The following CACNA1H variants were observed in gnomAD, a reference collection of about 807,000 sequenced individuals.
CACNA1H encodes voltage-dependent T-type calcium channel subunit alpha-1H.
CACNA1H carries 149 observed loss-of-function variants against 192.5 expected under a neutral mutation model. The observed-to-expected ratio is 0.77, with a 90% CI of 0.68 to 0.89. CACNA1H has a LOEUF of 0.89. Ranked by LOEUF, CACNA1H falls within the 40% of genes least tolerant of loss-of-function variation. The pLI is 0.00. For missense variants in CACNA1H, 4,257 were observed against 3,423.5 expected, an observed-to-expected ratio of 1.24 and a Z score of -6.08; for synonymous variants, 2,202 against 1,475.2, an observed-to-expected ratio of 1.49 and a Z score of -11.29.
At chr16:1,164,760 G>A (rs1016761749) in intron 2 of CACNA1H, among the ~76,000 whole-genome samples, 2 of 152,216 alleles carry the variant, frequency 1.3e-5, no homozygotes, top group African/African-American at 4.8e-5. Flanking sequence ...TGTCGGTGGA[G>A]CTGGGGTCTG....
intron 26 of CACNA1H, among the ~76,000 whole-genome samples, chr16:1,212,852 C>T (rs1896036569): frequency 6.6e-6 from 1 of 152,232 alleles, no homozygotes; most frequent in African/African-American, 2.4e-5. Context: ...TGGCCGCGGG[C>T]CCTCTCCGGC....
At chr16:1,185,297 G>C (rs573921369) in intron 2 of CACNA1H, among the ~76,000 whole-genome samples, 1 of 152,210 alleles carries the variant, frequency 6.6e-6, no homozygotes, top group African/African-American at 2.4e-5. Context: ...ATCGGGGTCA[G>C]TGCCGCTGTG....
In CACNA1H at chr16:1,195,918, G is replaced by T; in HGVS notation, c.546-8G>T. 1 of 1,608,474 alleles carries T rather than the reference G, an allele frequency of 6.2e-7. No individual in the cohort carries two copies. Among genetic ancestry groups the T allele is most frequent in the Non-Finnish European group, 8.5e-7 (1 of 1,176,612 alleles). On this transcript the variant is annotated splice_polypyrimidine_tract_variant and splice_region_variant and intron_variant, in intron 4 of 34. Transcript: ENST00000348261. ...TGTTGAGCTGCTCCCCCTCGGCCCCGCCCCCAGCATGATGGAGTACTCGTT... is the reference window on the plus strand; with the variant it reads ...TGTTGAGCTGCTCCCCCTCGGCCCCTCCCCCAGCATGATGGAGTACTCGTT...
In CACNA1H at chr16:1,218,978, G is replaced by C; in HGVS notation, c.5896G>C (p.Ala1966Pro). 6.5e-7 allele frequency: 1 copy of C among 1,550,178 alleles called. No individual in the cohort carries two copies. Among genetic ancestry groups the C allele is most frequent in the African/African-American group, 1.4e-5 (1 of 73,132 alleles). The change falls in exon 34 of 35, where the codon GCC becomes CCC. Residue 1966 changes from alanine to proline, a missense_variant. Ala to Pro is a conservative substitution (Grantham distance 27, BLOSUM62 -1). Coordinates refer to ENST00000348261, the MANE Select transcript of CACNA1H (RefSeq NM_021098.3). ...YGAGTPLGSV[A>P]SVHSPPAESC... is the part of the protein sequence containing the mutation. ...ATTCTTCCCTGCCCCAGGCTCCGTT[G>C]CCTCTGTGCACTCTCCGCCCGCAGA...
chr16:1,204,096 C>T lies in CACNA1H; in HGVS notation c.2089C>T (p.Leu697=), dbSNP rs934144629. 1.2e-6 allele frequency: 2 copies of T among 1,610,326 alleles called. No individual in the cohort carries two copies. Among genetic ancestry groups the T allele is most frequent in the Non-Finnish European group, 1.7e-6 (2 of 1,178,974 alleles). ...CCCAGCGGGCACACTGACCTGTGAG[C>T]TGAAGAGCTGCCCGTACTGCACCCG... ...SPPAGTLTCE[L]KSCPYCTRAL... Residue 697 remains leucine, a synonymous_variant, in exon 10 of 35, where the codon CTG becomes TTG. Coordinates refer to ENST00000348261, the MANE Select transcript of CACNA1H (RefSeq NM_021098.3).
chr16:1,204,475 C>T lies in CACNA1H; in HGVS notation c.2451+17C>T. 6.6e-7 allele frequency: 1 copy of T among 1,513,916 alleles called. No homozygotes were observed. The highest frequency in any genetic ancestry group is 8.8e-7 in the Non-Finnish European group (1 of 1,130,660). The allele number at this position is 1,513,916 out of a possible 1,614,324, so 93.8% of individuals were successfully genotyped here. A position where few individuals can be genotyped will look rare whatever the true frequency, so the allele number is the denominator to read the frequency against. On this transcript the variant is annotated intron_variant, in intron 10 of 34. Coordinates refer to ENST00000348261, the MANE Select transcript of CACNA1H (RefSeq NM_021098.3). ...CATGAGCAGGTGCGGGCTGGCCTGG[C>T]CACGGGGTGGGCTCCCTGTCAGGCT... is the stretch of plus-strand genomic sequence containing the variant.
At chr16:1,217,614 C>G (rs1158780662) in intron 31 of CACNA1H, among the ~76,000 whole-genome samples, 1 of 152,218 alleles carries the variant, frequency 6.6e-6, no homozygotes, top group Non-Finnish European at 1.5e-5. Context: ...TTTTGGTCAG[C>G]CGGCGCCTAC....
rs745358179 is a variant in CACNA1H at position 1,204,146 on chromosome 16, G to A, written c.2139G>A (p.Glu713=). The A allele has an allele frequency of 3.7e-6, 6 of 1,612,350 alleles. No individual in the cohort carries two copies. The South Asian group carries it at 6.6e-5, about 18-fold the overall frequency. ...GTGCCCTGGAGGACCCGGAGGGTGA[G>A]CTCAGCGGCTCGGAAAGTGGAGACT... ...CTRALEDPEG[E]LSGSESGDSD... Residue 713 remains glutamate (E), a synonymous_variant, in exon 10 of 35, where the codon GAG becomes GAA. Coordinates refer to ENST00000348261, the MANE Select transcript of CACNA1H (RefSeq NM_021098.3).
At chr16:1,169,658 C>T (rs1454964918) in intron 2 of CACNA1H, among the ~76,000 whole-genome samples, 1 of 152,250 alleles carries the variant, frequency 6.6e-6, no homozygotes, top group Non-Finnish European at 1.5e-5. Flanking sequence ...AGGGAGGCCC[C>T]AGCCCACTTG....
At position 1,201,863 on chromosome 16, in the gene CACNA1H, C is replaced by T. The variant is rs781240456; in HGVS notation, c.1413C>T (p.Val471=). ...LKYVGHIFRK[V]KRRSLRLYAR... is the part of the protein sequence containing the mutation. Reference sequence around the variant, plus strand: ...ACGTGGGCCACATATTCCGCAAGGTCAAGCGGCGCAGCTTGCGCCTCTACG... The same window carrying T: ...ACGTGGGCCACATATTCCGCAAGGTTAAGCGGCGCAGCTTGCGCCTCTACG... Residue 471 remains valine, a synonymous_variant, in exon 9 of 35, where the codon GTC becomes GTT. Coordinates refer to ENST00000348261, the MANE Select transcript of CACNA1H (RefSeq NM_021098.3). 8 of 1,558,170 alleles carry T rather than the reference C, an allele frequency of 5.1e-6. No homozygotes were observed. Among genetic ancestry groups the T allele is most frequent in the Middle Eastern group, 3.4e-4 (2 of 5,932 alleles).
intron 2 of CACNA1H, among the ~76,000 whole-genome samples, chr16:1,165,902 GGT>G (rs1411883044): frequency 6.6e-6 from 1 of 152,140 alleles, no homozygotes; most frequent in Admixed American, 6.5e-5. Flanking sequence ...CTGCTTGGGT[GGT>G]GTGTGGGGCC....
Position 1,206,560 on chromosome 16 carries a change from C to T in CACNA1H, c.2789+271C>T, listed in dbSNP as rs139603185. ...GGGGATTTACTCAAGAGCAGAATAC[C>T]GGGGGTGGGGGCAGGCACCAGGCTC... On this transcript the variant is annotated intron_variant, in intron 12 of 34. Coordinates refer to ENST00000348261, the MANE Select transcript of CACNA1H (RefSeq NM_021098.3). 1,327 of 501,814 alleles carry T rather than the reference C, an allele frequency of 2.6e-3. 4 individuals carry two copies. Among genetic ancestry groups the T allele is most frequent in the Middle Eastern group, 0.013 (25 of 1,876 alleles). The allele number at this position is 501,814 out of a possible 1,614,324, so 31.1% of individuals were successfully genotyped here.
intron 7 of CACNA1H, 70 bp downstream of exon 7, chr16:1,200,641 C>T (rs567920562): frequency 3.1e-6 from 5 of 1,590,072 alleles, no homozygotes; most frequent in Non-Finnish European, 3.4e-6. Flanking sequence ...CTCGCCCCCC[C>T]CAGCCCAGAC....
At chr16:1,160,684 C>T (rs1182575778) in intron 2 of CACNA1H, among the ~76,000 whole-genome samples, 4 of 152,268 alleles carry the variant, frequency 2.6e-5, no homozygotes, top group East Asian at 3.9e-4. Flanking sequence ...GGGCCGTTGG[C>T]GGGGCCGTGA....
At chr16:1,211,904 G>A (rs1383715647) in intron 24 of CACNA1H, 42 bp from the exon 25 acceptor site, 3 of 1,610,754 alleles carry the variant, frequency 1.9e-6, no homozygotes, top group Middle Eastern at 3.3e-4. Flanking sequence ...TAGGGCCCCT[G>A]GCGGGGCAGG....
chr16:1,170,444 G>C (rs905030240), intron 2 of CACNA1H, among the ~76,000 whole-genome samples: 1 of 152,132 alleles, frequency 6.6e-6, no homozygotes, highest in African/African-American at 2.4e-5. Flanking sequence ...CTGGGAGAGA[G>C]ACAGAGGCAG....
chr16:1,218,456 A>G lies in CACNA1H; in HGVS notation c.5692A>G (p.Arg1898Gly), dbSNP rs1970212198. The part of the protein sequence containing the change: ...PGSARRVDAD[R>G]PPLPQESPGA... ...GAGTGCACGCCGGGTGGACGCGGAC[A>G]GGCCTCCCTTGCCCCAGGAGAGTCC... Residue 1898 changes from arginine (R) to glycine (G), a missense_variant, in exon 33 of 35, where the codon AGG becomes GGG. Arg to Gly is a moderately radical substitution (Grantham distance 125, BLOSUM62 -2). Coordinates refer to ENST00000348261, the MANE Select transcript of CACNA1H (RefSeq NM_021098.3). 6.4e-7 allele frequency: 1 copy of G among 1,551,656 alleles called. No homozygotes were observed. Among genetic ancestry groups the G allele is most frequent in the African/African-American group, 1.4e-5 (1 of 73,100 alleles).
At chr16:1,210,000 C>A in intron 17 of CACNA1H, 35 bp from the exon 18 acceptor site, 2 of 1,498,792 alleles carry the variant, frequency 1.3e-6, no homozygotes, top group Non-Finnish European at 1.8e-6. Context: ...GGCAGGCAGG[C>A]GCAGGCTCTG....
chr16:1,154,673 A>G (rs746842029), intron 2 of CACNA1H, among the ~76,000 whole-genome samples: 3 of 152,036 alleles, frequency 2.0e-5, no homozygotes, highest in Non-Finnish European at 2.9e-5. Flanking sequence ...CAGGGAGGCA[A>G]TTGGCACTGC....
Sources: gnomAD v4.1 joint callset for allele counts (sites outside exome capture counted in the v4.1 genomes callset) on GRCh38, gnomAD v4.1.1 for gene constraint, MANE v1.5 for transcripts, NCBI Gene and HGNC (gene_info 2026-07-23, HGNC 2026-07-21) for gene names.